KAZN: variants seen among roughly 807,000 people sequenced by gnomAD.
KAZN encodes the protein kazrin.
KAZN carries 40 observed loss-of-function variants against 87.4 expected under a neutral mutation model. The observed-to-expected ratio is 0.46, with a 90% CI of 0.36 to 0.60. The LOEUF (loss-of-function observed/expected upper bound fraction) is 0.60, where lower values mean the gene tolerates loss of function less well. Ranked by LOEUF, KAZN falls within the 20% of genes least tolerant of loss-of-function variation. The pLI, the probability that KAZN is intolerant of heterozygous loss-of-function variation, is 0.00. For synonymous variants in KAZN, 466 were observed against 458.3 expected (o/e 1.02, Z -0.22); for missense variants, 898 against 1,073.9 (o/e 0.84, Z 2.29).
At position 14,260,435 on chromosome 1, in the gene KAZN, C is replaced by T. The variant is rs772485600; in HGVS notation, c.249+79843C>T. Among the ~76,000 whole-genome samples, 38 of 152,126 alleles carry T rather than the reference C, an allele frequency of 2.5e-4. 1 individual carries two copies. The highest frequency in any genetic ancestry group is 3.7e-4 in the Non-Finnish European group (25 of 68,038). On this transcript the variant is annotated intron_variant, in intron 2 of 16. Transcript: ENST00000636203. ...CTGCAGATGGAGAGAACAGCAGGTGCAAAGGCCCTGGGACAGAGCATTTCG... is the reference window on the plus strand; with the variant it reads ...CTGCAGATGGAGAGAACAGCAGGTGTAAAGGCCCTGGGACAGAGCATTTCG...
At chr1:14,964,410 G>A (rs1664220074) in intron 2 of KAZN, among the ~76,000 whole-genome samples, 1 of 152,084 alleles carries the variant, frequency 6.6e-6, no homozygotes, top group African/African-American at 2.4e-5. Flanking sequence ...ATGAGGGGTG[G>A]CCCAGACCTG....
chr1:14,875,342 A>G (rs1652640540), intron 1 of KAZN, among the ~76,000 whole-genome samples: 5 of 113,542 alleles, frequency 4.4e-5, no homozygotes, highest in Admixed American at 4.1e-4. Context: ...AAAAAAAAAA[A>G]AAAAAAAAAA....
intron 2 of KAZN, among the ~76,000 whole-genome samples, chr1:14,180,911 A>G (rs966764488): frequency 5.9e-5 from 9 of 152,226 alleles, no homozygotes; most frequent in African/African-American, 1.9e-4. Context: ...ATAGCTGGCA[A>G]AGGCTTTGGA....
At chr1:14,384,799 C>A (rs28796630) in intron 2 of KAZN, among the ~76,000 whole-genome samples, 15 of 151,042 alleles carry the variant, frequency 9.9e-5, no homozygotes, top group Admixed American at 7.9e-4. Context: ...TGTCTCTGCC[C>A]GGCTTTGGTA....
At chr1:14,862,325 G>A (rs533775551) in intron 1 of KAZN, among the ~76,000 whole-genome samples, 13 of 152,188 alleles carry the variant, frequency 8.5e-5, no homozygotes, top group South Asian at 8.3e-4. Context: ...GAGGGGTTTC[G>A]GAGTGCCCAG....
intron 8 of KAZN, 36 bp downstream of exon 8, chr1:15,065,789 G>A: frequency 6.2e-7 from 1 of 1,611,236 alleles, no homozygotes; most frequent in Non-Finnish European, 8.5e-7. Context: ...GGAGGACGCG[G>A]ACTGGTGATA....
chr1:13,991,251 G>C (rs972930506), intron 1 of KAZN, among the ~76,000 whole-genome samples: 2 of 152,004 alleles, frequency 1.3e-5, no homozygotes, highest in Non-Finnish European at 1.5e-5. Flanking sequence ...ACTGAACAGC[G>C]AGTTGGAAAA....
intron 2 of KAZN, among the ~76,000 whole-genome samples, chr1:14,392,070 ATTCCTT>A (rs1662487126): frequency 7.0e-6 from 1 of 143,716 alleles, no homozygotes; most frequent in Admixed American, 6.8e-5. Context: ...GGAACAACAG[ATTCCTT>A]TAACTTTAAG....
At chr1:14,325,513 G>A (rs1656348591) in intron 2 of KAZN, among the ~76,000 whole-genome samples, 1 of 152,106 alleles carries the variant, frequency 6.6e-6, no homozygotes, top group Non-Finnish European at 1.5e-5. Context: ...ACCAACATGT[G>A]CATGGTAGAA....
chr1:13,957,731 C>G (rs1320661716), intron 1 of KAZN, among the ~76,000 whole-genome samples: 1 of 152,038 alleles, frequency 6.6e-6, no homozygotes, highest in Non-Finnish European at 1.5e-5. Context: ...CTCACTGGAA[C>G]CAGTGAGTGA....
rs115005678 is a variant in KAZN at position 14,142,171 on chromosome 1, A to C, written c.92-38264A>C. Among the ~76,000 whole-genome samples, 680 of 143,868 alleles carry C rather than the reference A, an allele frequency of 4.7e-3. 5 individuals are homozygous for C. Among genetic ancestry groups the C allele is most frequent in the African/African-American group, 0.016 (623 of 38,088 alleles). The allele number at this position is 143,868 out of a possible 152,430, so 94.4% of individuals were successfully genotyped here. A position where few individuals can be genotyped will look rare whatever the true frequency, so the allele number is the denominator to read the frequency against. ...GGAGGTAGGTTTACAGGCTGAACCTAAGACCCCAATGTGTCCTTGTCATAA... is the reference window on the plus strand; with the variant it reads ...GGAGGTAGGTTTACAGGCTGAACCTCAGACCCCAATGTGTCCTTGTCATAA... On this transcript the variant is annotated intron_variant, in intron 1 of 16. Transcript: ENST00000636203.
intron 8 of KAZN, among the ~76,000 whole-genome samples, chr1:15,083,068 T>G (rs893713108): frequency 6.6e-6 from 1 of 152,190 alleles, no homozygotes; most frequent in Non-Finnish European, 1.5e-5. Flanking sequence ...GAGGGCACCA[T>G]TTAGCCCTAG....
chr1:13,951,823 C>G (rs1213837625), intron 1 of KAZN, among the ~76,000 whole-genome samples: 1 of 152,174 alleles, frequency 6.6e-6, no homozygotes, highest in Non-Finnish European at 1.5e-5. Flanking sequence ...CACCCACTTT[C>G]TGCTTTTATA....
chr1:14,211,561 G>A (rs1204534233), intron 2 of KAZN, among the ~76,000 whole-genome samples: 4 of 152,120 alleles, frequency 2.6e-5, no homozygotes, highest in South Asian at 2.1e-4. Context: ...TTCAAGAATA[G>A]GGAAGATAAG....
chr1:14,639,618 C>T (rs144203488), intron 1 of KAZN, among the ~76,000 whole-genome samples: 1 of 152,154 alleles, frequency 6.6e-6, no homozygotes, highest in Non-Finnish European at 1.5e-5. Flanking sequence ...AGTCCTCTGA[C>T]CTTTGTTCTC....
intron 2 of KAZN, among the ~76,000 whole-genome samples, chr1:14,477,386 A>G (rs765863229): frequency 5.9e-5 from 9 of 151,682 alleles, no homozygotes; most frequent in African/African-American, 9.7e-5. Context: ...TATCAGCAGC[A>G]TGAAAACAGA....
At chr1:14,490,317 G>A (rs1669578589) in intron 2 of KAZN, among the ~76,000 whole-genome samples, 1 of 152,078 alleles carries the variant, frequency 6.6e-6, no homozygotes, top group African/African-American at 2.4e-5. Flanking sequence ...TTTGAAGTTT[G>A]GCTTTTGAGT....
intron 2 of KAZN, among the ~76,000 whole-genome samples, chr1:14,976,476 C>T (rs886531476): frequency 1.3e-5 from 2 of 152,210 alleles, no homozygotes; most frequent in African/African-American, 2.4e-5. Flanking sequence ...TGGACCATGA[C>T]GACCCAGAAC....
chr1:14,379,864 G>A (rs1298582594), intron 2 of KAZN, among the ~76,000 whole-genome samples: 1 of 152,144 alleles, frequency 6.6e-6, no homozygotes, highest in African/African-American at 2.4e-5. Flanking sequence ...GGAGCCCCAG[G>A]GCCTTGAGCA....
Sources: gnomAD v4.1 joint callset for allele counts (sites outside exome capture counted in the v4.1 genomes callset) on GRCh38, gnomAD v4.1.1 for gene constraint, MANE v1.5 for transcripts, NCBI Gene and HGNC (gene_info 2026-07-23, HGNC 2026-07-21) for gene names.